Variants in WTIP observed in about 807,000 individuals in gnomAD.
The protein encoded by WTIP is Wilms tumor protein 1-interacting protein.
A neutral mutation model predicts 41.7 loss-of-function variants in WTIP; 23 were observed. The ratio of observed to expected loss-of-function variants is 0.55; its 90% CI spans 0.40 to 0.78. WTIP has a LOEUF of 0.78. WTIP is among the 30% of genes least tolerant of loss of function. The pLI is 0.00. For missense variants in WTIP, 619 were observed against 610.5 expected (o/e 1.01, Z -0.15); for synonymous variants, 314 against 269.9 (o/e 1.16, Z -1.60).
At chr19:34,497,148 C>G (rs2075858756) in intron 7 of WTIP, among the ~76,000 whole-genome samples, 1 of 152,128 alleles carries the variant, frequency 6.6e-6, no homozygotes. Context: ...CAGGCTTGAG[C>G]CACCACACCA....
At chr19:34,495,211 C>T (rs1272827453) in intron 6 of WTIP, among the ~76,000 whole-genome samples, 1 of 152,058 alleles carries the variant, frequency 6.6e-6, no homozygotes. Flanking sequence ...GCCTGGGCCG[C>T]CTAGTGAGAC....
In WTIP at chr19:34,509,728, A is replaced by G. The variant is rs2075926304; in HGVS notation, c.*9459A>G. On this transcript the variant is annotated 3_prime_UTR_variant, in exon 8 of 8. Transcript: ENST00000590071. ...TTCCACCTATGAGCCTGTAAAATCA[A>G]AAGCAAGTTAGTTACTTCCTAGATA... 6.6e-6 allele frequency: 1 copy of G among 152,322 alleles called. No homozygotes were observed. The highest frequency in any genetic ancestry group is 2.1e-4 in the South Asian group (1 of 4,822). 9.4% of individuals were successfully genotyped at this position (152,322 alleles called of 1,614,324 possible). A position where few individuals can be genotyped will look rare whatever the true frequency, so the allele number is the denominator to read the frequency against.
chr19:34,490,468 G>A lies in WTIP; in HGVS notation c.760G>A (p.Asp254Asn), dbSNP rs373500546. The A allele has an allele frequency of 1.6e-4, 255 of 1,613,662 alleles. No individual in the cohort carries two copies. Among genetic ancestry groups the A allele is most frequent in the African/African-American group, 2.7e-4 (20 of 74,890 alleles). ...TTATCACACTGACTGCTTCACCTGC[G>A]ACTCGTGTGGTAGGTAACCTCGTGC... is the stretch of plus-strand genomic sequence containing the variant. ...SLYHTDCFTC[D>N]SCGRRLRGKA... The change falls in exon 2 of 8, where the codon GAC becomes AAC. Residue 254 changes from aspartate to asparagine, a missense_variant. Transcript: ENST00000590071.
intron 2 of WTIP, 60 bp from the exon 3 acceptor site, chr19:34,492,977 C>T (rs1325517673): frequency 4.4e-6 from 7 of 1,580,976 alleles, no homozygotes; most frequent in Non-Finnish European, 6.1e-6. Context: ...GAGCTGGAAG[C>T]ACGGCTCCAT....
At chr19:34,485,550 C>G (rs558332104) in intron 1 of WTIP, among the ~76,000 whole-genome samples, 33 of 152,092 alleles carry the variant, frequency 2.2e-4, no homozygotes, top group African/African-American at 7.5e-4. Flanking sequence ...CGAGTGATCT[C>G]TGATAAACCT....
chr19:34,482,352 G>C lies in WTIP; in HGVS notation c.378G>C (p.Ser126=). ...QRHGSPRSGR[S]DPRPGPGPPS... is the part of the protein sequence containing the mutation. Reference sequence around the variant, plus strand: ...ACGGCAGCCCGCGCTCCGGTCGCTCGGACCCGCGTCCCGGTCCCGGGCCGC... The same window carrying C: ...ACGGCAGCCCGCGCTCCGGTCGCTCCGACCCGCGTCCCGGTCCCGGGCCGC... The change falls in exon 1 of 8, where the codon TCG becomes TCC. Residue 126 remains serine (S), a synonymous_variant. Coordinates refer to ENST00000590071, the MANE Select transcript of WTIP (RefSeq NM_001080436.2). The C allele has an allele frequency of 7.2e-7, 1 of 1,385,582 alleles. No individual in the cohort carries two copies. The highest frequency in any genetic ancestry group is 9.4e-7 in the Non-Finnish European group (1 of 1,064,456). The allele number at this position is 1,385,582 out of a possible 1,614,324, so 85.8% of individuals were successfully genotyped here.
chr19:34,493,165 C>G lies in WTIP; in HGVS notation c.837+61C>G. The G allele has an allele frequency of 1.2e-6, 2 of 1,613,104 alleles. No homozygotes were observed. Among genetic ancestry groups the G allele is most frequent in the Non-Finnish European group, 1.7e-6 (2 of 1,179,124 alleles). On this transcript the variant is annotated intron_variant, in intron 3 of 7. Coordinates refer to ENST00000590071, the MANE Select transcript of WTIP (RefSeq NM_001080436.2). The surrounding 1 kb of genome is among the most constrained non-coding windows in gnomAD (Gnocchi z 4.1). ...GGGAGGTGGGGCAGGGACCCTCATT[C>G]TGACTCGAGTGGAGACCTGAGGCCA...
chr19:34,508,733 G>A lies in WTIP; in HGVS notation c.*8464G>A, dbSNP rs1204525101. ...ACTGGAAGTTCCTAGGAGTCCGGAA[G>A]TGCTGAGCTGCAGGAGGCTTCTCAT... is the stretch of plus-strand genomic sequence containing the variant. On this transcript the variant is annotated 3_prime_UTR_variant, in exon 8 of 8. Coordinates refer to ENST00000590071, the MANE Select transcript of WTIP (RefSeq NM_001080436.2). The A allele has an allele frequency of 6.6e-6, 1 of 152,322 alleles. No homozygotes were observed. Among genetic ancestry groups the A allele is most frequent in the Non-Finnish European group, 1.5e-5 (1 of 68,158 alleles). 9.4% of individuals were successfully genotyped at this position (152,322 alleles called of 1,614,324 possible). A position where few individuals can be genotyped will look rare whatever the true frequency, so the allele number is the denominator to read the frequency against.
In WTIP at chr19:34,493,480, C is replaced by T. The variant is rs2075836544; in HGVS notation, c.901-12C>T. The T allele has an allele frequency of 6.2e-7, 1 of 1,612,578 alleles. No individual in the cohort carries two copies. Among genetic ancestry groups the T allele is most frequent in the African/African-American group, 1.3e-5 (1 of 74,918 alleles). On this transcript the variant is annotated splice_polypyrimidine_tract_variant and intron_variant, in intron 4 of 7. Transcript: ENST00000590071. This position sits in a 1 kb window ranked among gnomAD's most constrained non-coding sequence, Gnocchi z 4.1. The stretch of plus-strand genomic sequence containing the variant: ...CTGCCCGCGCTGACCCCTCAGTGTG[C>T]CCCGCCCACAGATCCTGCAGGCCCT...
At chr19:34,494,829 C>T (rs538439012) in intron 6 of WTIP, among the ~76,000 whole-genome samples, 192 bp downstream of exon 6, 4 of 152,278 alleles carry the variant, frequency 2.6e-5, no homozygotes, top group Admixed American at 2.6e-4. Context: ...GGCACAAGGT[C>T]GAGGGAAGTG....
At position 34,498,177 on chromosome 19, in the gene WTIP, T is replaced by C. The variant is rs540656832; in HGVS notation, c.1153-1952T>C. Among the ~76,000 whole-genome samples the C allele has an allele frequency of 2.6e-5, 4 of 152,202 alleles. No homozygotes were observed. The East Asian group carries it at 5.8e-4, about 22-fold the overall frequency. On this transcript the variant is annotated intron_variant, in intron 7 of 7. Coordinates refer to ENST00000590071, the MANE Select transcript of WTIP (RefSeq NM_001080436.2). ...GGCCAGGTGTTGGTGTCAGGGGCTC[T>C]GGGTAACGGGTCAAAGCCGCCAGCA... is the stretch of plus-strand genomic sequence containing the variant.
At position 34,503,563 on chromosome 19, in the gene WTIP, T is replaced by A. The variant is rs1479744749; in HGVS notation, c.*3294T>A. On this transcript the variant is annotated 3_prime_UTR_variant, in exon 8 of 8. Coordinates refer to ENST00000590071, the MANE Select transcript of WTIP (RefSeq NM_001080436.2). Reference sequence around the variant, plus strand: ...CCAGCCCTGGATGCCACCCCCCACCTGCCCAAGGGGACCCCCACTGATGTG... The same window carrying A: ...CCAGCCCTGGATGCCACCCCCCACCAGCCCAAGGGGACCCCCACTGATGTG... The A allele has an allele frequency of 6.5e-6, 1 of 152,752 alleles. No individual in the cohort carries two copies. The highest frequency in any genetic ancestry group is 1.5e-5 in the Non-Finnish European group (1 of 68,490). The allele number at this position is 152,752 out of a possible 1,614,324, so 9.5% of individuals were successfully genotyped here. A position where few individuals can be genotyped will look rare whatever the true frequency, so the allele number is the denominator to read the frequency against.
chr19:34,489,593 C>A (rs1181290689), intron 1 of WTIP, among the ~76,000 whole-genome samples: 6 of 151,214 alleles, frequency 4.0e-5, no homozygotes, highest in African/African-American at 9.8e-5. Flanking sequence ...GATTTTCCCT[C>A]AGTCCAAGAG....
At chr19:34,484,514 G>T (rs866747720) in intron 1 of WTIP, among the ~76,000 whole-genome samples, 6 of 152,138 alleles carry the variant, frequency 3.9e-5, no homozygotes, top group Non-Finnish European at 1.5e-5. Flanking sequence ...AGGGAGATGT[G>T]CCAGGAGCTG....
At chr19:34,492,140 T>C (rs1191785473) in intron 2 of WTIP, among the ~76,000 whole-genome samples, 1 of 139,776 alleles carries the variant, frequency 7.2e-6, no homozygotes, top group Non-Finnish European at 1.5e-5. Context: ...AGAAGCAGGG[T>C]CTTATGTCTT....
rs573261790 is a variant in WTIP, at chr19:34,494,283, G to A, written c.1032-303G>A. ...AGATAAGAGGCCAGGGCCGGGCATG[G>A]TGGCTCATGCCTGTAATCCCAGCAC... is the stretch of plus-strand genomic sequence containing the variant. On this transcript the variant is annotated intron_variant, in intron 5 of 7. Coordinates refer to ENST00000590071, the MANE Select transcript of WTIP (RefSeq NM_001080436.2). 2.6e-5 allele frequency among the ~76,000 whole-genome samples: 4 copies of A among 152,316 alleles called. No homozygotes were observed. In the East Asian group the frequency reaches 7.7e-4, roughly 29 times the overall value.
intron 1 of WTIP, among the ~76,000 whole-genome samples, chr19:34,485,148 A>ATCTCAGCT (rs2075791184): frequency 6.6e-6 from 1 of 152,102 alleles, no homozygotes; most frequent in Non-Finnish European, 1.5e-5. Flanking sequence ...CAATGGTGCG[A>ATCTCAGCT]TCTCAGCTCA....
intron 1 of WTIP, among the ~76,000 whole-genome samples, chr19:34,489,259 C>T (rs933350457): frequency 6.7e-6 from 1 of 148,404 alleles, no homozygotes; most frequent in Non-Finnish European, 1.5e-5. Context: ...CTCTGCCTGA[C>T]GTTATTTGAC....
Position 34,482,008 on chromosome 19 carries a change from G to T in WTIP, c.34G>T (p.Ala12Ser). The change falls in exon 1 of 8, where the codon GCC becomes TCC. Residue 12 changes from alanine (A) to serine (S), a missense_variant. Transcript: ENST00000590071. ...CTCCAGGGCGGGCGCGGACGAGGCG[G>T]CCCTACTCCTGGCCGGGCTGGCCCT... ...QRSRAGADEA[A>S]LLLAGLALRE... The T allele has an allele frequency of 9.8e-7, 1 of 1,020,118 alleles. No homozygotes were observed. The highest frequency in any genetic ancestry group is 4.4e-5 in the South Asian group (1 of 22,490). 63.2% of individuals were successfully genotyped at this position (1,020,118 alleles called of 1,614,324 possible). A position where few individuals can be genotyped will look rare whatever the true frequency, so the allele number is the denominator to read the frequency against.
Sources: allele counts gnomAD v4.1 joint callset (sites outside exome capture counted in the v4.1 genomes callset), GRCh38; gene constraint gnomAD v4.1.1; non-coding constraint Gnocchi (gnomAD v3.1); transcripts MANE v1.5; gene names NCBI Gene and HGNC (gene_info 2026-07-23, HGNC 2026-07-21).